MEIS2: variants seen among roughly 807,000 people sequenced by gnomAD.
MEIS2 encodes Meis homeobox 2.
A neutral mutation model predicts 58.6 loss-of-function variants in MEIS2; 9 were observed. The ratio of observed to expected loss-of-function variants is 0.15; its 90% CI spans 0.09 to 0.27. MEIS2 has a LOEUF of 0.27. MEIS2 is among the 10% of genes least tolerant of loss of function. MEIS2 has a pLI of 1.00. For missense variants in MEIS2, 427 were observed against 635.0 expected (o/e 0.67, Z 3.52); for synonymous variants, 221 against 228.4 (o/e 0.97, Z 0.29).
intron 8 of MEIS2, among the ~76,000 whole-genome samples, chr15:37,022,140 G>T (rs2061546103): frequency 6.6e-6 from 1 of 151,788 alleles, no homozygotes; most frequent in Admixed American, 6.6e-5. Context: ...GGAATTACTA[G>T]ATCAAAGAAG....
intron 8 of MEIS2, among the ~76,000 whole-genome samples, chr15:36,984,071 A>C (rs1356548244): frequency 6.6e-6 from 1 of 152,030 alleles, no homozygotes; most frequent in Non-Finnish European, 1.5e-5. Flanking sequence ...AGTTTTGTAC[A>C]TATAAGATTA....
intron 9 of MEIS2, among the ~76,000 whole-genome samples, chr15:36,924,228 C>A (rs1200399570): frequency 6.6e-6 from 1 of 152,124 alleles, no homozygotes. Context: ...ATACTCCTGG[C>A]ACAAGACCAG....
At chr15:37,038,249 T>C (rs1417002952) in intron 7 of MEIS2, among the ~76,000 whole-genome samples, 5 of 152,232 alleles carry the variant, frequency 3.3e-5, no homozygotes, top group Non-Finnish European at 5.9e-5. Context: ...TGTAGCTTTC[T>C]GAGGAATACT....
At chr15:37,096,020 A>C in intron 3 of MEIS2, 1 of 451,438 alleles carries the variant, frequency 2.2e-6, no homozygotes, top group Non-Finnish European at 3.9e-6. Context: ...AGGCGGGGGA[A>C]AAAGGCCAAG....
At chr15:37,040,599 G>C (rs2062382394) in intron 7 of MEIS2, among the ~76,000 whole-genome samples, 2 of 152,186 alleles carry the variant, frequency 1.3e-5, no homozygotes, top group South Asian at 4.1e-4. Flanking sequence ...TGCCACCTCT[G>C]ATGATGAAAG....
chr15:36,900,427 C>T (rs566263782), intron 9 of MEIS2, among the ~76,000 whole-genome samples: 2 of 152,182 alleles, frequency 1.3e-5, no homozygotes, highest in African/African-American at 4.8e-5. Flanking sequence ...AGAGTATCTA[C>T]TAAGACTATC....
At chr15:37,075,637 T>A (rs1034764444) in intron 7 of MEIS2, among the ~76,000 whole-genome samples, 3 of 152,164 alleles carry the variant, frequency 2.0e-5, no homozygotes, top group East Asian at 3.9e-4. Flanking sequence ...TAATGCCAGA[T>A]AATCGAAGAA....
chr15:37,009,626 G>T (rs192837410), intron 8 of MEIS2, among the ~76,000 whole-genome samples: 14 of 152,252 alleles, frequency 9.2e-5, no homozygotes, highest in African/African-American at 2.9e-4. Context: ...GAAGAATTAC[G>T]CTTCAAATAT....
intron 9 of MEIS2, among the ~76,000 whole-genome samples, chr15:36,938,859 C>T (rs931916551): frequency 3.3e-5 from 5 of 152,166 alleles, no homozygotes; most frequent in African/African-American, 1.2e-4. Context: ...TGGAATTAGA[C>T]CCAAGCTGCT....
At chr15:37,005,362 GT>G (rs1307643989) in intron 8 of MEIS2, among the ~76,000 whole-genome samples, 1 of 152,216 alleles carries the variant, frequency 6.6e-6, no homozygotes, top group Non-Finnish European at 1.5e-5. Context: ...CAGTTGCTCA[GT>G]TGACTTAACT....
chr15:36,977,424 G>C (rs967034723), intron 8 of MEIS2, among the ~76,000 whole-genome samples: 1 of 152,106 alleles, frequency 6.6e-6, no homozygotes, highest in Non-Finnish European at 1.5e-5. Flanking sequence ...GTGTTGAATA[G>C]CATAGTTTTT....
At chr15:36,954,040 G>A (rs2058860254) in intron 8 of MEIS2, among the ~76,000 whole-genome samples, 2 of 152,240 alleles carry the variant, frequency 1.3e-5, no homozygotes, top group African/African-American at 4.8e-5. Flanking sequence ...TTATATTGAT[G>A]TTTTGAAATT....
intron 9 of MEIS2, among the ~76,000 whole-genome samples, chr15:36,915,815 T>C (rs2057251266): frequency 6.6e-6 from 1 of 152,230 alleles, no homozygotes; most frequent in Non-Finnish European, 1.5e-5. Flanking sequence ...GTACTTACTA[T>C]GATAACCATG....
At chr15:36,935,224 T>A (rs181310220) in intron 9 of MEIS2, among the ~76,000 whole-genome samples, 2 of 151,908 alleles carry the variant, frequency 1.3e-5, no homozygotes, top group Admixed American at 1.3e-4. Context: ...AAATTCTTCT[T>A]TTCATTAAAT....
intron 7 of MEIS2, among the ~76,000 whole-genome samples, chr15:37,037,229 A>G (rs981501158): frequency 8.5e-5 from 13 of 152,324 alleles, no homozygotes; most frequent in Middle Eastern, 3.4e-3. Flanking sequence ...CTCTTTGTCA[A>G]TTATGGAATC....
At chr15:37,008,852 T>A (rs535371965) in intron 8 of MEIS2, among the ~76,000 whole-genome samples, 3 of 152,148 alleles carry the variant, frequency 2.0e-5, no homozygotes, top group Non-Finnish European at 4.4e-5. Flanking sequence ...TATTTAGGTA[T>A]AAAGGAGAAT....
chr15:36,917,019 A>T (rs549485182), intron 9 of MEIS2, among the ~76,000 whole-genome samples: 6 of 152,316 alleles, frequency 3.9e-5, no homozygotes, highest in African/African-American at 1.2e-4. Flanking sequence ...GCACACACAC[A>T]TACACGCATG....
At chr15:37,005,968 T>A (rs1284490026) in intron 8 of MEIS2, among the ~76,000 whole-genome samples, 2 of 152,178 alleles carry the variant, frequency 1.3e-5, no homozygotes, top group Admixed American at 6.5e-5. Flanking sequence ...CTATTACACA[T>A]CTCTCAATGA....
intron 7 of MEIS2, among the ~76,000 whole-genome samples, chr15:37,058,484 T>C (rs1282255208): frequency 6.6e-6 from 1 of 152,150 alleles, no homozygotes; most frequent in Non-Finnish European, 1.5e-5. Context: ...TGAGAGTACA[T>C]TCCCACCTTC....
Sources: gnomAD v4.1 joint callset for allele counts (sites outside exome capture counted in the v4.1 genomes callset) on GRCh38, gnomAD v4.1.1 for gene constraint, MANE v1.5 for transcripts, NCBI Gene and HGNC (gene_info 2026-07-23, HGNC 2026-07-21) for gene names.